The following TTC7B variants were observed in gnomAD, a reference collection of about 807,000 sequenced individuals.
TTC7B encodes the protein tetratricopeptide repeat protein 7B.
Under a neutral mutation model 106.8 loss-of-function variants are expected in TTC7B, and 28 were observed. The observed-to-expected ratio is 0.26, with a 90% confidence interval of 0.19 to 0.36. TTC7B has a LOEUF of 0.36. Ranked by LOEUF, TTC7B falls within the 10% of genes least tolerant of loss-of-function variation. The pLI is 1.00. For missense variants in TTC7B, 862 were observed against 1,076.4 expected, an observed-to-expected ratio of 0.80 and a Z score of 2.79; for synonymous variants, 405 against 430.6, an observed-to-expected ratio of 0.94 and a Z score of 0.74.
At chr14:90,695,675 G>T in intron 5 of TTC7B, 97 bp from the exon 6 acceptor site, 1 of 670,962 alleles carries the variant, frequency 1.5e-6, no homozygotes, top group Non-Finnish European at 2.3e-6. Flanking sequence ...CATAAAAGCT[G>T]TTGGCTAGAT....
chr14:90,629,112 G>C (rs1566807196), intron 15 of TTC7B, among the ~76,000 whole-genome samples: 1 of 152,254 alleles, frequency 6.6e-6, no homozygotes, highest in Non-Finnish European at 1.5e-5. Context: ...GTGTTCAAAG[G>C]ACAGTGAATC....
intron 14 of TTC7B, 46 bp downstream of exon 14, chr14:90,646,905 C>G: frequency 2.6e-6 from 4 of 1,523,890 alleles, no homozygotes; most frequent in Non-Finnish European, 3.6e-6. Context: ...GGAGTTGTAT[C>G]AAGATACAGA....
chr14:90,767,527 CT>C (rs937416466), intron 3 of TTC7B, among the ~76,000 whole-genome samples: 1 of 152,154 alleles, frequency 6.6e-6, no homozygotes, highest in Non-Finnish European at 1.5e-5. Flanking sequence ...GTCCAGCCCC[CT>C]TTTCCTTCTT....
intron 3 of TTC7B, among the ~76,000 whole-genome samples, chr14:90,762,376 C>G (rs1890529061): frequency 6.6e-6 from 1 of 152,216 alleles, no homozygotes; most frequent in Non-Finnish European, 1.5e-5. Context: ...CAGAATTCAG[C>G]CCACTGAAAT....
At chr14:90,690,324 T>C (rs1887421357) in intron 6 of TTC7B, among the ~76,000 whole-genome samples, 1 of 152,170 alleles carries the variant, frequency 6.6e-6, no homozygotes, top group Non-Finnish European at 1.5e-5. Flanking sequence ...AAGTGGGAAA[T>C]GGTTCCCGAT....
At position 90,673,337 on chromosome 14, in the gene TTC7B, G is replaced by C. The variant is rs56779431; in HGVS notation, c.1152+3186C>G. On this transcript the variant is annotated intron_variant, in intron 9 of 19. Coordinates refer to ENST00000328459, the MANE Select transcript of TTC7B (RefSeq NM_001010854.2). Reference sequence around the variant, plus strand: ...TTTCCATATTTTGCATGTATTGTTTGATTCTCCAAGGAGCATGCAGGACTA... The same window carrying C: ...TTTCCATATTTTGCATGTATTGTTTCATTCTCCAAGGAGCATGCAGGACTA... Among the ~76,000 whole-genome samples the C allele has an allele frequency of 5.0e-3, 758 of 152,282 alleles. 6 individuals are homozygous for C. Among genetic ancestry groups the C allele is most frequent in the African/African-American group, 0.017 (701 of 41,552 alleles).
At chr14:90,548,493 G>A (rs2139768945) in intron 19 of TTC7B, among the ~76,000 whole-genome samples, 1 of 152,356 alleles carries the variant, frequency 6.6e-6, no homozygotes, top group Non-Finnish European at 1.5e-5. Flanking sequence ...GATCAATGTA[G>A]TGTATGTTTT....
At chr14:90,568,589 T>C (rs1169072725) in intron 19 of TTC7B, among the ~76,000 whole-genome samples, 2 of 152,248 alleles carry the variant, frequency 1.3e-5, no homozygotes, top group East Asian at 1.9e-4. Context: ...CCTGGGCCCA[T>C]GAAGCTTCTG....
At chr14:90,559,303 A>C (rs1285504318) in intron 19 of TTC7B, among the ~76,000 whole-genome samples, 1 of 152,234 alleles carries the variant, frequency 6.6e-6, no homozygotes, top group African/African-American at 2.4e-5. Flanking sequence ...GAGGGAGACC[A>C]GGGAATTGGA....
At chr14:90,567,567 A>G (rs1890851712) in intron 19 of TTC7B, 1 of 152,112 alleles carries the variant, frequency 6.6e-6, no homozygotes, top group South Asian at 2.1e-4. Flanking sequence ...GAGTTCAGAG[A>G]GCTGATCTCT....
intron 19 of TTC7B, among the ~76,000 whole-genome samples, chr14:90,574,244 T>A (rs1226585287): frequency 6.6e-6 from 1 of 152,266 alleles, no homozygotes; most frequent in Non-Finnish European, 1.5e-5. Context: ...CACGAATAAA[T>A]GTAAATTTAT....
At chr14:90,781,618 C>T (rs934114623) in intron 2 of TTC7B, among the ~76,000 whole-genome samples, 2 of 152,156 alleles carry the variant, frequency 1.3e-5, no homozygotes, top group South Asian at 4.1e-4. Context: ...GTGGGTCTGG[C>T]CATGGCACTG....
rs544888889 is a variant in TTC7B at position 90,726,774 on chromosome 14, C to T, written c.698+3301G>A. Among the ~76,000 whole-genome samples, 89 of 152,338 alleles carry T rather than the reference C, an allele frequency of 5.8e-4. 2 individuals are homozygous for T. In the South Asian group the frequency reaches 0.018, roughly 30 times the overall value. The stretch of plus-strand genomic sequence containing the variant: ...GCCCTCAGAGGCGGCAATCCTGGCC[C>T]TCTGAGGCTACTGTTCTGCTTTCAC... On this transcript the variant is annotated intron_variant, in intron 5 of 19. Transcript: ENST00000328459.
intron 17 of TTC7B, among the ~76,000 whole-genome samples, chr14:90,604,339 A>T (rs923883147): frequency 1.3e-5 from 2 of 152,276 alleles, no homozygotes; most frequent in African/African-American, 4.8e-5. Flanking sequence ...CATGAAAAAC[A>T]ACATACACGG....
intron 15 of TTC7B, among the ~76,000 whole-genome samples, chr14:90,619,228 T>A (rs2139850056): frequency 6.6e-6 from 1 of 152,366 alleles, no homozygotes; most frequent in South Asian, 2.1e-4. Context: ...GAAACTACAA[T>A]GATCCCTTAC....
intron 8 of TTC7B, chr14:90,677,770 T>G (rs1001431646): frequency 5.6e-5 from 25 of 449,706 alleles, no homozygotes; most frequent in South Asian, 4.0e-4. Flanking sequence ...ATGCATTTTC[T>G]TTGTGTGTGA....
chr14:90,525,023 C>T lies in TTC7B; in HGVS notation c.*16345G>A, dbSNP rs1230531825. The T allele has an allele frequency of 1.3e-5, 2 of 152,200 alleles. No homozygotes were observed. The highest frequency in any genetic ancestry group is 1.9e-4 in the East Asian group (1 of 5,196). The allele number at this position is 152,200 out of a possible 1,614,324, so 9.4% of individuals were successfully genotyped here. A position where few individuals can be genotyped will look rare whatever the true frequency, so the allele number is the denominator to read the frequency against. ...GTATCTATCCATGAAGCCATCGCCA[C>T]TATTAAGAGAGGGATCATATCCATC... On this transcript the variant is annotated 3_prime_UTR_variant, in exon 20 of 20. Coordinates refer to ENST00000328459, the MANE Select transcript of TTC7B (RefSeq NM_001010854.2).
intron 3 of TTC7B, among the ~76,000 whole-genome samples, chr14:90,769,985 C>CA (rs1291671121): frequency 6.6e-6 from 1 of 150,582 alleles, no homozygotes; most frequent in East Asian, 2.0e-4. Flanking sequence ...CCCATCTCTA[C>CA]AAAAAATAAA....
rs1451260709 is a variant in TTC7B, at chr14:90,593,798, C to T, written c.1967-172G>A. 6 of 535,166 alleles carry T rather than the reference C, an allele frequency of 1.1e-5. No homozygotes were observed. The East Asian group carries it at 1.7e-4, about 15-fold the overall frequency. 33.2% of individuals were successfully genotyped at this position (535,166 alleles called of 1,614,324 possible). On this transcript the variant is annotated intron_variant, in intron 17 of 19. Transcript: ENST00000328459. The stretch of plus-strand genomic sequence containing the variant: ...AATCACGGCCCGGGGCCTTAGTTTC[C>T]ATCCTTGGGCTTTAGCTAATCTTTT...
Sources: allele counts gnomAD v4.1 joint callset (sites outside exome capture counted in the v4.1 genomes callset), GRCh38; gene constraint gnomAD v4.1.1; transcripts MANE v1.5; gene names NCBI Gene and HGNC (gene_info 2026-07-23, HGNC 2026-07-21).